The following HERC1 variants were observed in gnomAD, a reference collection of about 807,000 sequenced individuals.
HERC1 encodes probable E3 ubiquitin-protein ligase HERC1.
A neutral mutation model predicts 554.3 loss-of-function variants in HERC1; 160 were observed. That is an observed-to-expected ratio of 0.29 (90% CI 0.25 to 0.33). The LOEUF (loss-of-function observed/expected upper bound fraction) is 0.33, where lower values mean the gene tolerates loss of function less well. Ranked by LOEUF, HERC1 falls within the 10% of genes least tolerant of loss-of-function variation. The pLI is 1.00. For synonymous variants in HERC1, 2,175 were observed against 2,131.7 expected, an observed-to-expected ratio of 1.02 and a Z score of -0.56; for missense variants, 4,919 against 5,918.5, an observed-to-expected ratio of 0.83 and a Z score of 5.54.
At chr15:63,722,336 A>G (rs955623357) in intron 19 of HERC1, among the ~76,000 whole-genome samples, 2 of 152,330 alleles carry the variant, frequency 1.3e-5, no homozygotes, top group African/African-American at 4.8e-5. Context: ...CCTATAGCTT[A>G]GACTTCTAAG....
At chr15:63,768,008 C>G (rs2075836386) in intron 2 of HERC1, among the ~76,000 whole-genome samples, 1 of 151,630 alleles carries the variant, frequency 6.6e-6, no homozygotes, top group Admixed American at 6.6e-5. Context: ...TATCGCCCCA[C>G]CCCATTAATA....
intron 32 of HERC1, among the ~76,000 whole-genome samples, chr15:63,690,181 A>AAG (rs2072026697): frequency 6.6e-6 from 1 of 151,728 alleles, no homozygotes; most frequent in African/African-American, 2.4e-5. Context: ...AAAAAAAAAA[A>AAG]AAAAGAAATA....
At chr15:63,642,655 C>T (rs576371289) in intron 59 of HERC1, among the ~76,000 whole-genome samples, 45 of 152,220 alleles carry the variant, frequency 3.0e-4, no homozygotes, top group Non-Finnish European at 5.1e-4. Flanking sequence ...TAGTTTAGTG[C>T]TACTGTCAAA....
chr15:63,651,009 G>A (rs1324765928), intron 53 of HERC1, among the ~76,000 whole-genome samples: 1 of 152,082 alleles, frequency 6.6e-6, no homozygotes, highest in Non-Finnish European at 1.5e-5. Flanking sequence ...AATACTTAGT[G>A]GTACAAGAAA....
Position 63,646,644 on chromosome 15 carries a change from AC to A in HERC1, c.10879-963del, listed in dbSNP as rs1047168548. ...GTGAAACCCCGTCTCTAGTAAAAAT[AC>A]AAAAAAAAAAAAATTAGCCGGGAGT... is the stretch of plus-strand genomic sequence containing the variant. On this transcript the variant is annotated intron_variant, in intron 55 of 77. Transcript: ENST00000443617. Among the ~76,000 whole-genome samples, 709 of 151,362 alleles carry A rather than the reference AC, an allele frequency of 4.7e-3. 9 individuals carry two copies. The highest frequency in any genetic ancestry group is 0.016 in the African/African-American group (681 of 41,282).
chr15:63,751,193 C>T (rs1210854470), intron 8 of HERC1, among the ~76,000 whole-genome samples: 4 of 152,106 alleles, frequency 2.6e-5, no homozygotes, highest in Non-Finnish European at 5.9e-5. Context: ...TAAGATCTAA[C>T]GGAGTTTTGA....
chr15:63,648,155 C>T lies in HERC1; in HGVS notation c.10792G>A (p.Ala3598Thr), dbSNP rs1449184653. 2 of 1,599,430 alleles carry T rather than the reference C, an allele frequency of 1.3e-6. No individual in the cohort carries two copies. Among genetic ancestry groups the T allele is most frequent in the Non-Finnish European group, 1.7e-6 (2 of 1,171,888 alleles). Reference sequence around the variant, plus strand: ...AGTTTTCCATCAAAATATCCCACTGCAAATGGTCTGTCTTCACTGAACCAT... The same window carrying T: ...AGTTTTCCATCAAAATATCCCACTGTAAATGGTCTGTCTTCACTGAACCAT... ...IAWFSEDRPF[A>T]VGYFDGKLLL... is the part of the protein sequence containing the mutation. The change falls in exon 55 of 78, where the codon GCA becomes ACA. Residue 3598 changes from alanine (A) to threonine (T), a missense_variant. Ala to Thr is a moderately conservative substitution (Grantham distance 58). Coordinates refer to ENST00000443617, the MANE Select transcript of HERC1 (RefSeq NM_003922.4).
Position 63,678,226 on chromosome 15 carries a change from G to A in HERC1, c.6689C>T (p.Thr2230Ile). Reference protein sequence around the residue: ...IRILHRTDRWTYCINKKMMER... With the variant: ...IRILHRTDRWIYCINKKMMER... The stretch of plus-strand genomic sequence containing the variant: ...CATCATTTTTTTGTTAATGCAGTAA[G>A]TCCAACGGTCTGTTCGGTGAAGGAT... Residue 2230 changes from threonine to isoleucine, a missense_variant, in exon 37 of 78, where the codon ACT (threonine) becomes ATT (isoleucine). Physicochemically the swap from Thr to Ile is moderately conservative, Grantham distance 89 (BLOSUM62 -1). Around this residue, in one of 11 missense-constraint regions of HERC1, gnomAD observed 1,963 missense variants for 2,228.6 expected, o/e 0.88. Coordinates refer to ENST00000443617, the MANE Select transcript of HERC1 (RefSeq NM_003922.4). 2.5e-6 allele frequency: 4 copies of A among 1,613,686 alleles called. No individual in the cohort carries two copies. Among genetic ancestry groups the A allele is most frequent in the Non-Finnish European group, 3.4e-6 (4 of 1,179,794 alleles).
chr15:63,678,307 G>C lies in HERC1; in HGVS notation c.6608C>G (p.Pro2203Arg), dbSNP rs1327945522. The change falls in exon 37 of 78, where the codon CCT becomes CGT. Residue 2203 changes from proline (P) to arginine (R), a missense_variant. Pro to Arg is a moderately radical substitution (Grantham distance 103). Around this residue, in one of 11 missense-constraint regions of HERC1, gnomAD observed 1,963 missense variants for 2,228.6 expected, o/e 0.88. Coordinates refer to ENST00000443617, the MANE Select transcript of HERC1 (RefSeq NM_003922.4). ...CACTGCTGCTACTGGACTACAAATA[G>C]GGTCTCCTGGAAGTAAGTCTCGGGG... ...GTPRDLLPGD[P>R]ICSPVAAVLA... 1 of 1,613,068 alleles carries C rather than the reference G, an allele frequency of 6.2e-7. No individual in the cohort carries two copies. Among genetic ancestry groups the C allele is most frequent in the Non-Finnish European group, 8.5e-7 (1 of 1,179,592 alleles).
At chr15:63,661,369 T>G (rs1411727571) in intron 45 of HERC1, among the ~76,000 whole-genome samples, 2 of 152,194 alleles carry the variant, frequency 1.3e-5, no homozygotes, top group African/African-American at 4.8e-5. Context: ...AGAGATAATA[T>G]TTTTATGGAA....
intron 14 of HERC1, among the ~76,000 whole-genome samples, chr15:63,731,551 G>A (rs538575604): frequency 1.3e-5 from 2 of 152,116 alleles, no homozygotes; most frequent in Non-Finnish European, 2.9e-5. Flanking sequence ...TCCATTTGCA[G>A]CCATTACTCC....
Position 63,655,754 on chromosome 15 carries a change from C to T in HERC1, c.10072G>A (p.Val3358Ile). The change falls in exon 50 of 78, where the codon GTT becomes ATT. Residue 3358 changes from valine to isoleucine, a missense_variant. Physicochemically the swap from Val to Ile is conservative, Grantham distance 29 (BLOSUM62 3). Coordinates refer to ENST00000443617, the MANE Select transcript of HERC1 (RefSeq NM_003922.4). ...KLRPNYDKSEVEKKGPLELAN... is the reference protein window; with the variant it reads ...KLRPNYDKSEIEKKGPLELAN... ...GTATGAAACTTACCTTTCTTTTCAA[C>T]TTCTGACTTATCATAGTTAGGTCTT... 1.3e-6 allele frequency: 2 copies of T among 1,555,992 alleles called. No individual in the cohort carries two copies. Among genetic ancestry groups the T allele is most frequent in the Non-Finnish European group, 1.7e-6 (2 of 1,147,810 alleles).
chr15:63,774,877 C>A lies in HERC1; in HGVS notation c.747G>T (p.Glu249Asp). The A allele has an allele frequency of 6.2e-7, 1 of 1,614,002 alleles. No individual in the cohort carries two copies. The highest frequency in any genetic ancestry group is 8.5e-7 in the Non-Finnish European group (1 of 1,179,904). ...GTTGAGCTGCCAAACCAAGCAGCAA[C>A]TCAGAAGCTAATCTACGACCTAAAG... Reference protein sequence around the residue: ...ADTLGRRLASELLLGLAAQRG... With the variant: ...ADTLGRRLASDLLLGLAAQRG... Residue 249 changes from glutamate (E) to aspartate (D), a missense_variant, in exon 2 of 78, where the codon GAG becomes GAT. Transcript: ENST00000443617.
intron 1 of HERC1, among the ~76,000 whole-genome samples, chr15:63,799,779 A>G (rs886525949): frequency 6.6e-6 from 1 of 152,220 alleles, no homozygotes; most frequent in African/African-American, 2.4e-5. Context: ...CAGAGAACCC[A>G]GAAAGGAGTC....
chr15:63,756,002 C>G lies in HERC1; in HGVS notation c.1533+435G>C, dbSNP rs1275092965. On this transcript the variant is annotated intron_variant, in intron 5 of 77. Transcript: ENST00000443617. The surrounding 1 kb of genome is among the most constrained non-coding windows in gnomAD (Gnocchi z 5.0). ...CTAATACCACACCTGCCCAAGGTAA[C>G]CTTTATTGCTCATTTTTTTCTTTAA... Among the ~76,000 whole-genome samples, 1 of 152,112 alleles carries G rather than the reference C, an allele frequency of 6.6e-6. No homozygotes were observed. The highest frequency in any genetic ancestry group is 1.5e-5 in the Non-Finnish European group (1 of 68,022).
At chr15:63,816,521 T>C (rs2077499443) in intron 1 of HERC1, among the ~76,000 whole-genome samples, 2 of 152,226 alleles carry the variant, frequency 1.3e-5, no homozygotes. Flanking sequence ...AATATCAACA[T>C]TGTCCTCTTA....
At chr15:63,622,914 T>G in intron 73 of HERC1, 23 bp from the exon 74 acceptor site, 1 of 1,522,762 alleles carries the variant, frequency 6.6e-7, no homozygotes, top group Non-Finnish European at 8.9e-7. Flanking sequence ...GAAAAAAATT[T>G]TTTGAGAAAT....
At position 63,656,852 on chromosome 15, in the gene HERC1, T is replaced by A. The variant is rs368648123; in HGVS notation, c.9600-494A>T. Among the ~76,000 whole-genome samples, 8 of 152,320 alleles carry A rather than the reference T, an allele frequency of 5.3e-5. No homozygotes were observed. In the South Asian group the frequency reaches 1.2e-3, roughly 24 times the overall value. ...TGTCTGGCTTCTTCAATATTATGTTTGTAAGATTCATCCAAATCTTGTAGC... is the reference window on the plus strand; with the variant it reads ...TGTCTGGCTTCTTCAATATTATGTTAGTAAGATTCATCCAAATCTTGTAGC... On this transcript the variant is annotated intron_variant, in intron 48 of 77. Transcript: ENST00000443617.
At chr15:63,786,881 T>C (rs2076465049) in intron 1 of HERC1, among the ~76,000 whole-genome samples, 1 of 152,114 alleles carries the variant, frequency 6.6e-6, no homozygotes, top group Admixed American at 6.5e-5. Flanking sequence ...TTAAGATGGT[T>C]AATTGTACGT....
Sources: gnomAD v4.1 joint callset for allele counts (sites outside exome capture counted in the v4.1 genomes callset) on GRCh38, gnomAD v4.1.1 for gene constraint, gnomAD v4.1.1 regional missense constraint, Gnocchi (gnomAD v3.1) non-coding constraint, MANE v1.5 for transcripts, NCBI Gene and HGNC (gene_info 2026-07-23, HGNC 2026-07-21) for gene names.